SIAE: variants seen among roughly 807,000 people sequenced by gnomAD.
SIAE encodes the protein sialate O-acetylesterase.
Under a neutral mutation model 52.6 loss-of-function variants are expected in SIAE, and 39 were observed. The observed-to-expected ratio is 0.74, with a 90% CI of 0.57 to 0.97. The LOEUF (loss-of-function observed/expected upper bound fraction) is 0.97. Among genes scored for constraint, SIAE ranks in the 50% least tolerant of loss-of-function variants. The pLI, the probability that SIAE is intolerant of heterozygous loss-of-function variation, is 0.00. For missense variants in SIAE, 592 were observed against 662.1 expected, an observed-to-expected ratio of 0.89 and a Z score of 1.16; for synonymous variants, 233 against 241.4, an observed-to-expected ratio of 0.97 and a Z score of 0.32.
chr11:124,640,099 G>A (rs1483991153), intron 7 of SIAE, among the ~76,000 whole-genome samples: 2 of 152,060 alleles, frequency 1.3e-5, no homozygotes, highest in African/African-American at 2.4e-5. Context: ...ATCAAGCAGC[G>A]GGGTCTGTTT....
At position 124,673,696 on chromosome 11, in the gene SIAE, C is replaced by T. The variant is rs928028109; in HGVS notation, c.13G>A (p.Gly5Arg). Residue 5 changes from glycine (G) to arginine (R), a missense_variant, in exon 1 of 10, where the codon GGG becomes AGG. Gly to Arg is a moderately radical substitution (Grantham distance 125). Coordinates refer to ENST00000263593, the MANE Select transcript of SIAE (RefSeq NM_170601.5). ...GGCAGCACCAGCCCGAGTACAAGCCCCGGCGCGACCATGCTTGCAAGGATC... is the reference window on the plus strand; with the variant it reads ...GGCAGCACCAGCCCGAGTACAAGCCTCGGCGCGACCATGCTTGCAAGGATC... MVAP[G>R]LVLGLVLPLI... 6.2e-7 allele frequency: 1 copy of T among 1,613,494 alleles called. No individual in the cohort carries two copies. Among genetic ancestry groups the T allele is most frequent in the African/African-American group, 1.3e-5 (1 of 74,896 alleles).
chr11:124,663,224 T>G (rs547378010), intron 2 of SIAE, among the ~76,000 whole-genome samples: 2 of 152,064 alleles, frequency 1.3e-5, no homozygotes, highest in Non-Finnish European at 2.9e-5. Flanking sequence ...CAGGGAAAAC[T>G]TGATACACTC....
intron 2 of SIAE, among the ~76,000 whole-genome samples, chr11:124,661,156 A>G (rs1943182991): frequency 6.6e-6 from 1 of 152,134 alleles, no homozygotes; most frequent in Non-Finnish European, 1.5e-5. Flanking sequence ...CAAAATTAAC[A>G]TTAATTTCAT....
intron 3 of SIAE, among the ~76,000 whole-genome samples, chr11:124,655,167 ACTT>A (rs1212226460): frequency 6.2e-5 from 9 of 145,360 alleles, no homozygotes; most frequent in South Asian, 2.1e-4. Context: ...AGACCAATTA[ACTT>A]CTTCTTTTTT....
intron 3 of SIAE, among the ~76,000 whole-genome samples, chr11:124,657,727 T>C (rs768057386): frequency 5.3e-5 from 8 of 152,092 alleles, no homozygotes; most frequent in Non-Finnish European, 8.8e-5. Flanking sequence ...AAAATGGGGG[T>C]GGGGACCATT....
intron 7 of SIAE, 33 bp from the exon 8 acceptor site, chr11:124,639,900 A>G: frequency 1.2e-6 from 2 of 1,611,704 alleles, no homozygotes; most frequent in South Asian, 1.1e-5. Context: ...ATTTTATTGT[A>G]TCAGAATCCC....
chr11:124,653,973 T>G lies in SIAE; in HGVS notation c.544+682A>C, dbSNP rs558664876. Among the ~76,000 whole-genome samples, 17 of 152,116 alleles carry G rather than the reference T, an allele frequency of 1.1e-4. No individual in the cohort carries two copies. In the South Asian group the frequency reaches 3.3e-3, roughly 30 times the overall value. ...GTGGGCGGATCATGAGGTCAGGAGT[T>G]CGAGACCAGCCTGGCCAATATGGTG... On this transcript the variant is annotated intron_variant, in intron 4 of 9. Coordinates refer to ENST00000263593, the MANE Select transcript of SIAE (RefSeq NM_170601.5).
At chr11:124,669,327 G>C (rs536268889) in intron 2 of SIAE, 33 bp downstream of exon 2, 1 of 1,613,540 alleles carries the variant, frequency 6.2e-7, no homozygotes, top group Non-Finnish European at 8.5e-7. Context: ...GGCAGAAGAG[G>C]GCAATAGCTG....
At position 124,638,443 on chromosome 11, in the gene SIAE, C is replaced by G. The variant is rs556202492; in HGVS notation, c.1320+99G>C. The stretch of plus-strand genomic sequence containing the variant: ...AAGCTCAGCCCCCAACCAACCAAGA[C>G]CCGCCACATCGTAATAACAAAAGAG... On this transcript the variant is annotated intron_variant, in intron 9 of 9. Transcript: ENST00000263593. The G allele has an allele frequency of 4.5e-5, 60 of 1,335,856 alleles. No homozygotes were observed. The African/African-American group carries it at 6.7e-4, about 15-fold the overall frequency. The allele number at this position is 1,335,856 out of a possible 1,614,324, so 82.8% of individuals were successfully genotyped here. A position where few individuals can be genotyped will look rare whatever the true frequency, so the allele number is the denominator to read the frequency against.
rs753325163 is a variant in SIAE at position 124,649,613 on chromosome 11, T to C, written c.722+6A>G. On this transcript the variant is annotated splice_donor_region_variant and intron_variant, in intron 5 of 9. Transcript: ENST00000263593. ...CTCTTTCTCAGACTGGAGAATGCTG[T>C]CTTACCCTTGTTTAGGGACCCCACA... 6.2e-7 allele frequency: 1 copy of C among 1,613,914 alleles called. No individual in the cohort carries two copies. Among genetic ancestry groups the C allele is most frequent in the Admixed American group, 1.7e-5 (1 of 60,016 alleles).
intron 3 of SIAE, among the ~76,000 whole-genome samples, chr11:124,658,329 T>C (rs1274009702): frequency 6.6e-6 from 1 of 151,712 alleles, no homozygotes; most frequent in South Asian, 2.1e-4. Flanking sequence ...CCTTCTACTA[T>C]GGTAGCAGTT....
rs1041312810 is a variant in SIAE at position 124,635,802 on chromosome 11, A to T, written c.*1149T>A. 6.6e-6 allele frequency: 1 copy of T among 152,144 alleles called. No individual in the cohort carries two copies. Among genetic ancestry groups the T allele is most frequent in the East Asian group, 1.9e-4 (1 of 5,192 alleles). The allele number at this position is 152,144 out of a possible 1,614,324, so 9.4% of individuals were successfully genotyped here. A position where few individuals can be genotyped will look rare whatever the true frequency, so the allele number is the denominator to read the frequency against. On this transcript the variant is annotated 3_prime_UTR_variant, in exon 10 of 10. Coordinates refer to ENST00000263593, the MANE Select transcript of SIAE (RefSeq NM_170601.5). ...TATAAATACATACACATCACTAGTG[A>T]TTATGCTTTTATTTATTTCCAACTT... is the stretch of plus-strand genomic sequence containing the variant.
chr11:124,674,490 C>G (rs1471609797), upstream of SIAE: 1 of 152,366 alleles, frequency 6.6e-6, no homozygotes, highest in East Asian at 1.9e-4. Flanking sequence ...CATTAACAGG[C>G]CAGGTCCCGG....
upstream of SIAE, chr11:124,673,854 T>C: frequency 2.8e-6 from 2 of 716,636 alleles, no homozygotes; most frequent in South Asian, 2.4e-5. Flanking sequence ...TCGCCCCTTC[T>C]CGGCCGCCGT....
At position 124,657,863 on chromosome 11, in the gene SIAE, G is replaced by T. The variant is rs138519675; in HGVS notation, c.405+2765C>A. Among the ~76,000 whole-genome samples, 470 of 152,302 alleles carry T rather than the reference G, an allele frequency of 3.1e-3. 1 individual carries two copies. Among genetic ancestry groups the T allele is most frequent in the African/African-American group, 0.011 (445 of 41,552 alleles). On this transcript the variant is annotated intron_variant, in intron 3 of 9. Transcript: ENST00000263593. ...CAGCAAACTTAGGAATAAAGAGATT[G>T]CAGGAAGATTTTCATTTAAATGACA...
rs191050581 is a variant in SIAE, at chr11:124,664,032, T to C, written c.230-3229A>G. Among the ~76,000 whole-genome samples, 5 of 152,336 alleles carry C rather than the reference T, an allele frequency of 3.3e-5. No homozygotes were observed. The East Asian group carries it at 9.7e-4, about 29-fold the overall frequency. ...TCAGTGCATTCAAATCTCTGCTTCC[T>C]CGCATTTTTTCTCGTACCACCTAGG... On this transcript the variant is annotated intron_variant, in intron 2 of 9. Coordinates refer to ENST00000263593, the MANE Select transcript of SIAE (RefSeq NM_170601.5).
At chr11:124,663,478 G>A (rs1194764403) in intron 2 of SIAE, among the ~76,000 whole-genome samples, 1 of 152,196 alleles carries the variant, frequency 6.6e-6, no homozygotes, top group African/African-American at 2.4e-5. Context: ...GGAGGCTGAG[G>A]CAGGAGTATG....
upstream of SIAE, chr11:124,673,840 G>T: frequency 1.1e-6 from 1 of 896,230 alleles, no homozygotes; most frequent in Non-Finnish European, 1.7e-6. Context: ...GGACTGGGCT[G>T]TACTCGCCCC....
chr11:124,656,653 AG>A (rs1356226488), intron 3 of SIAE, among the ~76,000 whole-genome samples: 7 of 145,582 alleles, frequency 4.8e-5, no homozygotes, highest in Admixed American at 3.3e-4. Flanking sequence ...CTGACTTTTT[AG>A]TTATTTTTTT....
Sources: gnomAD v4.1 joint callset for allele counts (sites outside exome capture counted in the v4.1 genomes callset) on GRCh38, gnomAD v4.1.1 for gene constraint, MANE v1.5 for transcripts, NCBI Gene and HGNC (gene_info 2026-07-23, HGNC 2026-07-21) for gene names.